PLCB1: variants seen among roughly 807,000 people sequenced by gnomAD.
PLCB1 encodes 1-phosphatidylinositol 4,5-bisphosphate phosphodiesterase beta-1.
Under a neutral mutation model 161.8 loss-of-function variants are expected in PLCB1, and 46 were observed. The ratio of observed to expected loss-of-function variants is 0.28; its 90% confidence interval spans 0.22 to 0.36. The LOEUF is 0.36. PLCB1 is among the 10% of genes least tolerant of loss of function. The probability of loss-of-function intolerance (pLI) is 1.00; values close to 1 mark genes in which losing one functional copy is unlikely to be tolerated. For missense variants in PLCB1, 1,016 were observed against 1,472.5 expected (o/e 0.69, Z 5.07); for synonymous variants, 517 against 503.7 (o/e 1.03, Z -0.35).
intron 3 of PLCB1, among the ~76,000 whole-genome samples, chr20:8,443,860 A>T (rs1451099359): frequency 6.6e-6 from 1 of 151,922 alleles, no homozygotes; most frequent in Non-Finnish European, 1.5e-5. Context: ...TTCCACCCCT[A>T]CCCCAATTCT....
intron 2 of PLCB1, among the ~76,000 whole-genome samples, chr20:8,337,824 G>A (rs141977479): frequency 2.4e-3 from 371 of 152,230 alleles, no homozygotes; most frequent in African/African-American, 8.3e-3. Flanking sequence ...AGTTAACTAT[G>A]TTTAAGATTT....
At position 8,186,994 on chromosome 20, in the gene PLCB1, G is replaced by T. The variant is rs570282939; in HGVS notation, c.177+36623G>T. Among the ~76,000 whole-genome samples the T allele has an allele frequency of 3.4e-3, 512 of 152,224 alleles. 2 individuals carry two copies. The highest frequency in any genetic ancestry group is 6.1e-3 in the Non-Finnish European group (412 of 67,998). On this transcript the variant is annotated intron_variant, in intron 2 of 31. Coordinates refer to ENST00000338037, the MANE Select transcript of PLCB1 (RefSeq NM_015192.4). Reference sequence around the variant, plus strand: ...AGCCTAAATGGGGTGATGGCTTTCAGAACTAAGCAGGCTGAGCACCTTGGT... The same window carrying T: ...AGCCTAAATGGGGTGATGGCTTTCATAACTAAGCAGGCTGAGCACCTTGGT...
At chr20:8,847,015 A>G (rs983358850) in intron 31 of PLCB1, among the ~76,000 whole-genome samples, 71 of 152,216 alleles carry the variant, frequency 4.7e-4, no homozygotes, top group African/African-American at 1.7e-3. Flanking sequence ...AGCTTTGAGA[A>G]ATACTGATGT....
At chr20:8,498,999 A>G (rs1983293839) in intron 3 of PLCB1, among the ~76,000 whole-genome samples, 1 of 152,200 alleles carries the variant, frequency 6.6e-6, no homozygotes, top group African/African-American at 2.4e-5. Flanking sequence ...AAATTGACCA[A>G]ATTATCCACA....
intron 3 of PLCB1, among the ~76,000 whole-genome samples, chr20:8,482,421 G>T (rs1038715457): frequency 1.3e-5 from 2 of 152,028 alleles, no homozygotes; most frequent in Non-Finnish European, 1.5e-5. Context: ...TTTTAAAACT[G>T]TGGTTTTGTA....
chr20:8,835,971 G>A (rs1437787277), intron 31 of PLCB1, among the ~76,000 whole-genome samples: 1 of 152,008 alleles, frequency 6.6e-6, no homozygotes. Flanking sequence ...CTGGTCTTAG[G>A]CAGGTATCTG....
chr20:8,866,556 A>T (rs903477052), intron 31 of PLCB1, among the ~76,000 whole-genome samples: 11 of 152,208 alleles, frequency 7.2e-5, no homozygotes, highest in African/African-American at 2.7e-4. Flanking sequence ...TTTAACACAA[A>T]ATCCAGATTT....
intron 13 of PLCB1, 148 bp downstream of exon 13, chr20:8,716,496 A>C (rs1979319001): frequency 1.5e-6 from 1 of 673,704 alleles, no homozygotes; most frequent in Non-Finnish European, 2.7e-6. Context: ...GGATACCAGC[A>C]ATGGGCCCCA....
At chr20:8,678,098 T>C (rs2041928747) in intron 9 of PLCB1, among the ~76,000 whole-genome samples, 1 of 152,152 alleles carries the variant, frequency 6.6e-6, no homozygotes, top group African/African-American at 2.4e-5. Context: ...GGGGGATACT[T>C]TGGAGTTGGA....
intron 1 of PLCB1, among the ~76,000 whole-genome samples, chr20:8,134,291 G>A (rs771381222): frequency 6.6e-6 from 1 of 152,224 alleles, no homozygotes; most frequent in Non-Finnish European, 1.5e-5. Context: ...CTTGAATAGA[G>A]AGGTGATGTG....
chr20:8,767,684 G>T (rs571053995), intron 26 of PLCB1, among the ~76,000 whole-genome samples: 2 of 152,230 alleles, frequency 1.3e-5, no homozygotes, highest in East Asian at 3.9e-4. Context: ...TGGACACAGG[G>T]TCTGGCGGAC....
chr20:8,229,856 CATAAAATAAA>C (rs1172390547), intron 2 of PLCB1, among the ~76,000 whole-genome samples: 12 of 35,046 alleles, frequency 3.4e-4, no homozygotes, highest in African/African-American at 2.8e-4. Flanking sequence ...GAGCCCATCT[CATAAAATAAA>C]ATAAAATAAA....
At chr20:8,867,964 T>C (rs1291816533) in intron 31 of PLCB1, among the ~76,000 whole-genome samples, 2 of 152,212 alleles carry the variant, frequency 1.3e-5, no homozygotes, top group Non-Finnish European at 1.5e-5. Context: ...TTAATGTTAC[T>C]ATTATTATAG....
intron 3 of PLCB1, among the ~76,000 whole-genome samples, chr20:8,440,896 G>A (rs555154812): frequency 1.5e-4 from 22 of 151,538 alleles, no homozygotes; most frequent in Middle Eastern, 3.4e-3. Flanking sequence ...TATATGGATC[G>A]AAACATCACT....
intron 2 of PLCB1, among the ~76,000 whole-genome samples, chr20:8,213,378 G>T (rs376509225): frequency 6.6e-6 from 1 of 152,132 alleles, no homozygotes; most frequent in African/African-American, 2.4e-5. Context: ...AGTGATCTTA[G>T]CTCCAAAGGT....
chr20:8,642,072 ATAT>A (rs1988973508), intron 4 of PLCB1, among the ~76,000 whole-genome samples: 1 of 152,140 alleles, frequency 6.6e-6, no homozygotes, highest in Admixed American at 6.5e-5. Context: ...GATTTGAGTA[ATAT>A]TATTATGCTA....
At chr20:8,584,850 C>T (rs1234127239) in intron 3 of PLCB1, among the ~76,000 whole-genome samples, 1 of 152,086 alleles carries the variant, frequency 6.6e-6, no homozygotes, top group Non-Finnish European at 1.5e-5. Flanking sequence ...GCCACCACAC[C>T]TGACTAATTT....
chr20:8,651,099 C>T (rs2123300279), intron 7 of PLCB1, among the ~76,000 whole-genome samples: 1 of 152,196 alleles, frequency 6.6e-6, no homozygotes, highest in East Asian at 1.9e-4. Context: ...TTTTCTCGTG[C>T]AGAGCTCTCC....
At chr20:8,472,111 C>T (rs1432669120) in intron 3 of PLCB1, among the ~76,000 whole-genome samples, 1 of 152,136 alleles carries the variant, frequency 6.6e-6, no homozygotes. Flanking sequence ...CCCTAAGGTA[C>T]TAGCAATGTG....
Sources: allele counts gnomAD v4.1 joint callset (sites outside exome capture counted in the v4.1 genomes callset), GRCh38; gene constraint gnomAD v4.1.1; transcripts MANE v1.5; gene names NCBI Gene and HGNC (gene_info 2026-07-23, HGNC 2026-07-21).